MS4A5: variants seen among roughly 807,000 people sequenced by gnomAD.
MS4A5 encodes the protein membrane spanning 4-domains A5, also known as membrane-spanning 4-domains subfamily A member 5.
A neutral mutation model predicts 18.2 loss-of-function variants in MS4A5; 15 were observed. The observed-to-expected ratio is 0.83, with a 90% CI of 0.55 to 1.27. The LOEUF (loss-of-function observed/expected upper bound fraction) is 1.27. Among genes scored for constraint, MS4A5 ranks in the 50% most tolerant of loss-of-function variants. The pLI is 0.00. For synonymous variants in MS4A5, 89 were observed against 78.7 expected, an observed-to-expected ratio of 1.13 and a Z score of -0.69; for missense variants, 232 against 225.7, an observed-to-expected ratio of 1.03 and a Z score of -0.18.
chr11:60,437,315 A>C (rs1455641071), intron 4 of MS4A5, among the ~76,000 whole-genome samples: 2 of 150,622 alleles, frequency 1.3e-5, no homozygotes, highest in African/African-American at 4.9e-5. Flanking sequence ...CCGCTGCAAA[A>C]TCATGCCAAA....
At chr11:60,444,786 A>T (rs2086130698) in intron 4 of MS4A5, among the ~76,000 whole-genome samples, 1 of 152,222 alleles carries the variant, frequency 6.6e-6, no homozygotes, top group African/African-American at 2.4e-5. Context: ...AATGTGAAGC[A>T]ACTGGAACTC....
chr11:60,435,721 G>C (rs555137734), intron 4 of MS4A5, among the ~76,000 whole-genome samples: 2 of 152,124 alleles, frequency 1.3e-5, no homozygotes, highest in Non-Finnish European at 2.9e-5. Flanking sequence ...GCGCTTTTCC[G>C]ACGGGCTTAA....
chr11:60,432,142 C>T (rs750653792), intron 2 of MS4A5, among the ~76,000 whole-genome samples: 2 of 152,116 alleles, frequency 1.3e-5, no homozygotes, highest in Non-Finnish European at 2.9e-5. Context: ...ATAAAAAGAA[C>T]ATGGATGAGT....
rs2086064295 is a variant in MS4A5, at chr11:60,433,817, G to C, written c.392G>C (p.Gly131Ala). ...CTTAGTGCCCTGGGAGCAATAGCTG[G>C]AATCATTCTCCTCACATTTGGTTTC... ...NFLSALGAIA[G>A]IILLTFGFIL... The change falls in exon 4 of 5, where the codon GGA (glycine) becomes GCA (alanine). Residue 131 changes from glycine (G) to alanine (A), a missense_variant. By Grantham distance (60) the Gly-to-Ala change is moderately conservative. Coordinates refer to ENST00000300190, the MANE Select transcript of MS4A5 (RefSeq NM_023945.3). 1.2e-6 allele frequency: 2 copies of C among 1,613,828 alleles called. No individual in the cohort carries two copies. The highest frequency in any genetic ancestry group is 1.7e-4 in the Middle Eastern group (1 of 6,058).
chr11:60,447,147 A>C (rs2086143542), intron 4 of MS4A5, among the ~76,000 whole-genome samples: 3 of 87,104 alleles, frequency 3.4e-5, no homozygotes, highest in African/African-American at 8.7e-5. Flanking sequence ...ATGCTATGCT[A>C]TGCTATCCTA....
intron 4 of MS4A5, 73 bp downstream of exon 4, chr11:60,433,990 C>T (rs187858718): frequency 7.8e-7 from 1 of 1,288,092 alleles, no homozygotes; most frequent in East Asian, 2.3e-5. Flanking sequence ...TCAATCAGCA[C>T]CATTCAGATC....
intron 4 of MS4A5, among the ~76,000 whole-genome samples, chr11:60,440,583 A>G (rs2086105407): frequency 6.7e-6 from 1 of 148,312 alleles, no homozygotes; most frequent in Non-Finnish European, 1.5e-5. Flanking sequence ...TTTACAAGAA[A>G]AAAACAAACA....
chr11:60,435,419 G>T (rs4938945), intron 4 of MS4A5: 124,893 of 446,084 alleles, frequency 0.28, 19,089 homozygotes, highest in Admixed American at 0.44. Context: ...ATAAATGAGG[G>T]GGGAGGAGCC....
At chr11:60,437,086 C>T (rs937020576) in intron 4 of MS4A5, among the ~76,000 whole-genome samples, 16 of 137,734 alleles carry the variant, frequency 1.2e-4, no homozygotes, top group Admixed American at 8.0e-4. Flanking sequence ...GGCAGAAACC[C>T]TACAAGCCAG....
At chr11:60,431,025 T>C in intron 2 of MS4A5, 101 bp downstream of exon 2, 2 of 1,384,946 alleles carry the variant, frequency 1.4e-6, no homozygotes, top group Non-Finnish European at 1.9e-6. Flanking sequence ...TGACATGCTT[T>C]CAAAAGTGCA....
In MS4A5 at chr11:60,429,717, C is replaced by G. The variant is rs1268684476; in HGVS notation, c.43C>G (p.Pro15Ala). 6.2e-7 allele frequency: 1 copy of G among 1,613,792 alleles called. No homozygotes were observed. Among genetic ancestry groups the G allele is most frequent in the South Asian group, 1.1e-5 (1 of 91,006 alleles). ...ACACAGTCCGGTGTTTCTGGTATTT[C>G]CTCCAGAAATCACTGCTTCAGAATA... ...TAHSPVFLVFPPEITASEYES... is the reference protein window; with the variant it reads ...TAHSPVFLVFAPEITASEYES... The change falls in exon 1 of 5, where the codon CCT (proline) becomes GCT (alanine). Residue 15 changes from proline to alanine, a missense_variant. Pro to Ala is a conservative substitution (Grantham distance 27, BLOSUM62 -1). Coordinates refer to ENST00000300190, the MANE Select transcript of MS4A5 (RefSeq NM_023945.3).
intron 4 of MS4A5, among the ~76,000 whole-genome samples, chr11:60,445,984 C>A (rs557706321): frequency 6.6e-6 from 1 of 152,118 alleles, no homozygotes; most frequent in Non-Finnish European, 1.5e-5. Flanking sequence ...GATAAACAGA[C>A]CTTTTAACCC....
In MS4A5 at chr11:60,438,436, A is replaced by G. The variant is rs1236065114; in HGVS notation, c.492+4519A>G. ...AATAACTAAAATCAGAGCAGAACTGAAGGAAATAGAGACACAAAAAACTCT... is the reference window on the plus strand; with the variant it reads ...AATAACTAAAATCAGAGCAGAACTGGAGGAAATAGAGACACAAAAAACTCT... On this transcript the variant is annotated intron_variant, in intron 4 of 4. Coordinates refer to ENST00000300190, the MANE Select transcript of MS4A5 (RefSeq NM_023945.3). Among the ~76,000 whole-genome samples the G allele has an allele frequency of 3.9e-5, 6 of 152,250 alleles. No homozygotes were observed. In the South Asian group the frequency reaches 1.2e-3, roughly 32 times the overall value.
chr11:60,444,645 T>C (rs967559952), intron 4 of MS4A5, among the ~76,000 whole-genome samples: 7 of 152,172 alleles, frequency 4.6e-5, no homozygotes, highest in African/African-American at 1.7e-4. Flanking sequence ...AAATGGCTAG[T>C]GAGCATATGA....
In MS4A5 at chr11:60,429,665, C is replaced by T. The variant is rs373326449; in HGVS notation, c.-10C>T. 24 of 1,602,816 alleles carry T rather than the reference C, an allele frequency of 1.5e-5. No homozygotes were observed. Among genetic ancestry groups the T allele is most frequent in the African/African-American group, 9.4e-5 (7 of 74,180 alleles). ...AAATCATCTCCTTTCAAATTATCAC[C>T]GACACCATCATGGATTCAAGCACCG... is the stretch of plus-strand genomic sequence containing the variant. On this transcript the variant is annotated 5_prime_UTR_variant, in exon 1 of 5. Transcript: ENST00000300190.
intron 2 of MS4A5, among the ~76,000 whole-genome samples, chr11:60,431,592 G>A (rs2086048822): frequency 6.6e-6 from 1 of 152,172 alleles, no homozygotes. Context: ...CACAGGGGCT[G>A]CCTCCATAGG....
chr11:60,444,385 A>T (rs1565189284), intron 4 of MS4A5, among the ~76,000 whole-genome samples: 1 of 152,106 alleles, frequency 6.6e-6, no homozygotes, highest in Non-Finnish European at 1.5e-5. Flanking sequence ...AACTTAGGAG[A>T]ATATCTTCAC....
At chr11:60,432,371 T>C in intron 2 of MS4A5, 40 bp from the exon 3 acceptor site, 1 of 1,373,506 alleles carries the variant, frequency 7.3e-7, no homozygotes, top group Non-Finnish European at 1.0e-6. Flanking sequence ...CAACATCAGC[T>C]AAACATGGTC....
intron 4 of MS4A5, among the ~76,000 whole-genome samples, chr11:60,434,659 CA>C (rs1320758899): frequency 6.6e-6 from 1 of 152,102 alleles, no homozygotes; most frequent in African/African-American, 2.4e-5. Flanking sequence ...AAAAACAAAA[CA>C]ACCTTAAAGA....
Sources: allele counts gnomAD v4.1 joint callset (sites outside exome capture counted in the v4.1 genomes callset), GRCh38; gene constraint gnomAD v4.1.1; transcripts MANE v1.5; gene names NCBI Gene and HGNC (gene_info 2026-07-23, HGNC 2026-07-21).